The following DLG2 variants were observed in gnomAD, a reference collection of about 807,000 sequenced individuals.
DLG2 encodes disks large homolog 2.
A neutral mutation model predicts 132.5 loss-of-function variants in DLG2; 45 were observed. That is an observed-to-expected ratio of 0.34 (90% confidence interval 0.27 to 0.44). The LOEUF is 0.44. Among genes scored for constraint, DLG2 ranks in the 20% least tolerant of loss-of-function variants. DLG2 has a pLI of 1.00. For synonymous variants in DLG2, 424 were observed against 419.6 expected (o/e 1.01, Z -0.13); for missense variants, 1,045 against 1,196.9 (o/e 0.87, Z 1.87).
chr11:84,302,460 C>A (rs183185145), intron 7 of DLG2, among the ~76,000 whole-genome samples: 127 of 152,112 alleles, frequency 8.3e-4, no homozygotes, highest in Non-Finnish European at 6.3e-4. Context: ...AAGTTATATT[C>A]TTAACTTCTC....
At chr11:84,584,194 T>A (rs1292518154) in intron 6 of DLG2, among the ~76,000 whole-genome samples, 1 of 152,202 alleles carries the variant, frequency 6.6e-6, no homozygotes, top group Non-Finnish European at 1.5e-5. Context: ...TCAGGCTTCC[T>A]AATTTTATAC....
chr11:85,244,590 G>T (rs993053779), intron 4 of DLG2, among the ~76,000 whole-genome samples: 1 of 151,934 alleles, frequency 6.6e-6, no homozygotes, highest in Non-Finnish European at 1.5e-5. Flanking sequence ...TAATCAGATT[G>T]CTATTGATGC....
intron 7 of DLG2, among the ~76,000 whole-genome samples, chr11:84,276,735 A>T (rs1289934047): frequency 6.6e-6 from 1 of 152,134 alleles, no homozygotes; most frequent in Non-Finnish European, 1.5e-5. Context: ...ACCTCAGAAT[A>T]CCTAACGGTA....
At chr11:84,553,600 C>T (rs944851977) in intron 6 of DLG2, among the ~76,000 whole-genome samples, 3 of 152,120 alleles carry the variant, frequency 2.0e-5, no homozygotes, top group African/African-American at 7.2e-5. Flanking sequence ...ATCCAAGAGA[C>T]AGCAACAATA....
At chr11:83,487,626 C>T (rs751779178) in intron 21 of DLG2, among the ~76,000 whole-genome samples, 5 of 152,024 alleles carry the variant, frequency 3.3e-5, no homozygotes, top group Non-Finnish European at 7.4e-5. Context: ...TAGTGCTTGA[C>T]TCTCTTAAGT....
chr11:83,577,006 C>T (rs2096883639), intron 19 of DLG2, among the ~76,000 whole-genome samples: 1 of 152,092 alleles, frequency 6.6e-6, no homozygotes, highest in Non-Finnish European at 1.5e-5. Flanking sequence ...GAAGGTGCTG[C>T]CAAAGGAGAT....
intron 10 of DLG2, among the ~76,000 whole-genome samples, chr11:84,083,061 C>T (rs911880797): frequency 1.1e-4 from 17 of 152,122 alleles, no homozygotes; most frequent in African/African-American, 4.1e-4. Context: ...GGGTAGATCA[C>T]CTGAGGTCAG....
At chr11:85,032,138 G>A (rs2061057008) in intron 6 of DLG2, among the ~76,000 whole-genome samples, 1 of 151,732 alleles carries the variant, frequency 6.6e-6, no homozygotes, top group Non-Finnish European at 1.5e-5. Flanking sequence ...TGCAATTTCT[G>A]TAACTTCCCT....
At chr11:83,707,947 T>G (rs944177827) in intron 18 of DLG2, among the ~76,000 whole-genome samples, 4 of 152,222 alleles carry the variant, frequency 2.6e-5, no homozygotes, top group Non-Finnish European at 4.4e-5. Flanking sequence ...TTTGATACTT[T>G]AACTAGTTAT....
rs1339173785 is a variant in DLG2 at position 84,862,824 on chromosome 11, G to GA, written c.357+248836_357+248837insT. Among the ~76,000 whole-genome samples the GA allele has an allele frequency of 6.3e-5, 8 of 127,706 alleles. No homozygotes were observed. In the South Asian group the frequency reaches 1.2e-3, roughly 20 times the overall value. The allele number at this position is 127,706 out of a possible 152,430, so 83.8% of individuals were successfully genotyped here. The stretch of plus-strand genomic sequence containing the variant: ...TCACACACCAGGTCCTGTCGGGGGG[G>GA]GGGGGTGGGGGACTAGGGGAGGAAT... On this transcript the variant is annotated intron_variant, in intron 6 of 27. Transcript: ENST00000376104.
intron 7 of DLG2, among the ~76,000 whole-genome samples, chr11:84,518,145 G>A (rs1382054959): frequency 1.1e-5 from 1 of 90,674 alleles, no homozygotes; most frequent in African/African-American, 4.5e-5. Flanking sequence ...CTTCAGCTGA[G>A]CAAAACTATT....
At chr11:84,092,091 A>G (rs1198375102) in intron 10 of DLG2, among the ~76,000 whole-genome samples, 1 of 152,236 alleles carries the variant, frequency 6.6e-6, no homozygotes, top group East Asian at 1.9e-4. Context: ...AAGTCAAATG[A>G]TTAGGGGACT....
At chr11:84,387,647 C>T (rs755822267) in intron 7 of DLG2, among the ~76,000 whole-genome samples, 6 of 152,062 alleles carry the variant, frequency 3.9e-5, no homozygotes, top group Non-Finnish European at 8.8e-5. Context: ...CCAAATGCCA[C>T]AAAGATCAAA....
intron 8 of DLG2, among the ~76,000 whole-genome samples, chr11:84,184,419 G>T (rs1403405011): frequency 1.3e-5 from 2 of 150,860 alleles, no homozygotes; most frequent in Non-Finnish European, 3.0e-5. Context: ...TTTTTGATGA[G>T]TTTTTTTTTC....
At chr11:84,178,424 G>C (rs2096028128) in intron 8 of DLG2, among the ~76,000 whole-genome samples, 1 of 152,086 alleles carries the variant, frequency 6.6e-6, no homozygotes, top group Admixed American at 6.6e-5. Context: ...GCATATGAAA[G>C]GTCGTGAGTA....
chr11:85,402,920 G>A (rs935491592), intron 3 of DLG2, among the ~76,000 whole-genome samples: 4 of 152,118 alleles, frequency 2.6e-5, no homozygotes, highest in African/African-American at 9.7e-5. Context: ...CAACCATTGT[G>A]GAAGATAGTG....
intron 19 of DLG2, among the ~76,000 whole-genome samples, chr11:83,584,884 C>T (rs563865476): frequency 1.3e-5 from 2 of 152,160 alleles, no homozygotes; most frequent in Non-Finnish European, 1.5e-5. Context: ...GTGCTGGGCA[C>T]AGAACTGGGC....
chr11:84,402,774 C>T (rs559236361), intron 7 of DLG2, among the ~76,000 whole-genome samples: 3 of 149,838 alleles, frequency 2.0e-5, no homozygotes, highest in Non-Finnish European at 3.0e-5. Flanking sequence ...CTCAGCTACT[C>T]GGGAGGCTGA....
intron 17 of DLG2, among the ~76,000 whole-genome samples, chr11:83,823,589 A>C (rs944745736): frequency 1.3e-5 from 2 of 152,182 alleles, no homozygotes; most frequent in African/African-American, 4.8e-5. Flanking sequence ...CGAGATGAAT[A>C]AAACTGAGAG....
Sources: allele counts gnomAD v4.1 joint callset (sites outside exome capture counted in the v4.1 genomes callset), GRCh38; gene constraint gnomAD v4.1.1; transcripts MANE v1.5; gene names NCBI Gene and HGNC (gene_info 2026-07-23, HGNC 2026-07-21).